The following PIEZO2 variants were observed in gnomAD, a reference collection of about 807,000 sequenced individuals.
PIEZO2 encodes piezo-type mechanosensitive ion channel component 2.
A neutral mutation model predicts 337.3 loss-of-function variants in PIEZO2; 172 were observed. That is an observed-to-expected ratio of 0.51 (90% CI 0.45 to 0.58). PIEZO2 has a LOEUF of 0.58. PIEZO2 is among the 20% of genes least tolerant of loss of function. PIEZO2 has a pLI of 0.00. For missense variants in PIEZO2, 3,028 were observed against 3,391.3 expected (o/e 0.89, Z 2.66); for synonymous variants, 1,251 against 1,228.5 (o/e 1.02, Z -0.38).
chr18:10,977,760 A>G (rs1000035321), intron 3 of PIEZO2, among the ~76,000 whole-genome samples: 1 of 152,246 alleles, frequency 6.6e-6, no homozygotes, highest in Non-Finnish European at 1.5e-5. Flanking sequence ...GTATTGATAC[A>G]TGCTACAACA....
rs1450123414 is a variant in PIEZO2, at chr18:11,033,611, C to T, written c.160+32516G>A. 6.6e-6 allele frequency among the ~76,000 whole-genome samples: 1 copy of T among 152,172 alleles called. No homozygotes were observed. The highest frequency in any genetic ancestry group is 1.5e-5 in the Non-Finnish European group (1 of 68,034). ...CTGAATGTCAAAATACTGCATTTCA[C>T]TGAAAAAAGCTAGTCTGAAAACATA... On this transcript the variant is annotated intron_variant, in intron 2 of 55. Coordinates refer to ENST00000674853, the MANE Select transcript of PIEZO2 (RefSeq NM_001378183.1). The surrounding 1 kb of genome is among the most constrained non-coding windows in gnomAD (Gnocchi z 4.2).
At position 11,070,540 on chromosome 18, in the gene PIEZO2, C is replaced by T. The variant is rs1193453988; in HGVS notation, c.65-4318G>A. On this transcript the variant is annotated intron_variant, in intron 1 of 55. Transcript: ENST00000674853. The surrounding 1 kb of genome is among the most constrained non-coding windows in gnomAD (Gnocchi z 4.3). The stretch of plus-strand genomic sequence containing the variant: ...GAAAGAAAAAAGCAGCAGAAAAATT[C>T]GAGACGGATATGAGAAAAACCAGGA... Among the ~76,000 whole-genome samples, 3 of 152,108 alleles carry T rather than the reference C, an allele frequency of 2.0e-5. No homozygotes were observed. The highest frequency in any genetic ancestry group is 2.9e-5 in the Non-Finnish European group (2 of 68,026).
Position 11,138,350 on chromosome 18 carries a change from C to T in PIEZO2, c.64+10175G>A, listed in dbSNP as rs541995789. Among the ~76,000 whole-genome samples the T allele has an allele frequency of 2.0e-5, 3 of 152,324 alleles. No individual in the cohort carries two copies. In the East Asian group the frequency reaches 5.8e-4, roughly 29 times the overall value. On this transcript the variant is annotated intron_variant, in intron 1 of 55. Transcript: ENST00000674853. ...TCATTCTGTAGCCCAAGCTGGAGTA[C>T]GGTGGCACAATCTCAGCTCACTGCA...
intron 1 of PIEZO2, among the ~76,000 whole-genome samples, chr18:11,090,687 G>A (rs2039048666): frequency 6.6e-6 from 1 of 152,092 alleles, no homozygotes; most frequent in African/African-American, 2.4e-5. Flanking sequence ...AGAGAAGGGC[G>A]ATTCACGAGG....
rs1332485667 is a variant in PIEZO2 at position 10,762,499 on chromosome 18, C to G, written c.3249+1G>C. On this transcript the variant is annotated splice_donor_variant, in intron 23 of 55. Coordinates refer to ENST00000674853, the MANE Select transcript of PIEZO2 (RefSeq NM_001378183.1). LOFTEE classifies it high-confidence loss of function. The stretch of plus-strand genomic sequence containing the variant: ...CAAACTAAGCACGACAAAGCCATTA[C>G]CCTCAGGTAGACTAGCAGAGGCGAA... 2.0e-6 allele frequency: 3 copies of G among 1,536,918 alleles called. No individual in the cohort carries two copies. Among genetic ancestry groups the G allele is most frequent in the African/African-American group, 1.4e-5 (1 of 73,022 alleles).
In PIEZO2 at chr18:10,862,239, A is replaced by G. The variant is rs1364223218; in HGVS notation, c.493-5028T>C. On this transcript the variant is annotated intron_variant, in intron 5 of 55. Coordinates refer to ENST00000674853, the MANE Select transcript of PIEZO2 (RefSeq NM_001378183.1). This position sits in a 1 kb window ranked among gnomAD's most constrained non-coding sequence, Gnocchi z 4.4. ...AGTCAGTTAAAAATAAAATAAAAAT[A>G]ATAGAATACTGGAAAACATAGATAA... Among the ~76,000 whole-genome samples the G allele has an allele frequency of 6.6e-6, 1 of 152,144 alleles. No individual in the cohort carries two copies. Among genetic ancestry groups the G allele is most frequent in the Non-Finnish European group, 1.5e-5 (1 of 68,022 alleles).
chr18:10,869,659 G>A (rs972707446), intron 5 of PIEZO2, among the ~76,000 whole-genome samples: 5 of 152,084 alleles, frequency 3.3e-5, no homozygotes, highest in Admixed American at 6.6e-5. Flanking sequence ...TCTTACAATT[G>A]GAATGTCAAC....
At chr18:10,769,942 C>T in intron 21 of PIEZO2, 1 of 516,068 alleles carries the variant, frequency 1.9e-6, no homozygotes. Flanking sequence ...ATGACCAAGC[C>T]AACGAGAAAC....
chr18:10,714,518 A>G lies in PIEZO2; in HGVS notation c.5423+246T>C, dbSNP rs186510040. On this transcript the variant is annotated intron_variant, in intron 39 of 55. Coordinates refer to ENST00000674853, the MANE Select transcript of PIEZO2 (RefSeq NM_001378183.1). Reference sequence around the variant, plus strand: ...TTGCCTCCAGCCTGGAAATCTCTATACTGTGCCTTTGGGTCACACAGGTAT... The same window carrying G: ...TTGCCTCCAGCCTGGAAATCTCTATGCTGTGCCTTTGGGTCACACAGGTAT... Among the ~76,000 whole-genome samples, 364 of 152,146 alleles carry G rather than the reference A, an allele frequency of 2.4e-3. 2 individuals are homozygous for G. Among genetic ancestry groups the G allele is most frequent in the Non-Finnish European group, 3.8e-3 (261 of 67,964 alleles).
chr18:11,016,497 G>A lies in PIEZO2; in HGVS notation c.161-36837C>T, dbSNP rs1287327913. On this transcript the variant is annotated intron_variant, in intron 2 of 55. Transcript: ENST00000674853. This position sits in a 1 kb window ranked among gnomAD's most constrained non-coding sequence, Gnocchi z 5.6. ...CCCCTGCAAAGGGTGGGTATGAGGG[G>A]GGTCGGGTTAAGCGGCTTAACAAAG... Among the ~76,000 whole-genome samples, 1 of 152,164 alleles carries A rather than the reference G, an allele frequency of 6.6e-6. No individual in the cohort carries two copies. Among genetic ancestry groups the A allele is most frequent in the Non-Finnish European group, 1.5e-5 (1 of 68,028 alleles).
chr18:10,866,825 C>T (rs1379202757), intron 5 of PIEZO2, among the ~76,000 whole-genome samples: 3 of 152,316 alleles, frequency 2.0e-5, no homozygotes, highest in East Asian at 1.9e-4. Context: ...AATAAAAAAT[C>T]GTCTCTTCTA....
Position 11,146,157 on chromosome 18 carries a change from T to A in PIEZO2, c.64+2368A>T, listed in dbSNP as rs2146303963. The stretch of plus-strand genomic sequence containing the variant: ...AGAGAGGTGTGGGAGTCCTGAAGAA[T>A]GAGCTGGATAAAGAAGGCAGCCCCA... On this transcript the variant is annotated intron_variant, in intron 1 of 55. Transcript: ENST00000674853. The surrounding 1 kb of genome is among the most constrained non-coding windows in gnomAD (Gnocchi z 6.1). 6.6e-6 allele frequency among the ~76,000 whole-genome samples: 1 copy of A among 152,220 alleles called. No homozygotes were observed. Among genetic ancestry groups the A allele is most frequent in the African/African-American group, 2.4e-5 (1 of 41,550 alleles).
chr18:10,714,129 T>C (rs1355208947), intron 39 of PIEZO2, among the ~76,000 whole-genome samples: 1 of 152,150 alleles, frequency 6.6e-6, no homozygotes, highest in Non-Finnish European at 1.5e-5. Context: ...GTAACCGAAT[T>C]CTGTCTTTGC....
chr18:10,763,055 G>A lies in PIEZO2; in HGVS notation c.2990C>T (p.Ala997Val). ...ACGGCGCAGCTTGGCGTACGGCAGA[G>A]CAAAAGCCCAAGAAATCAAAAATAC... Reference protein sequence around the residue: ...NYVFLISWAFALPYAKLRRLA... With the variant: ...NYVFLISWAFVLPYAKLRRLA... Residue 997 changes from alanine (A) to valine (V), a missense_variant, in exon 22 of 56, where the codon GCT becomes GTT. Transcript: ENST00000674853. 2 of 1,537,310 alleles carry A rather than the reference G, an allele frequency of 1.3e-6. No individual in the cohort carries two copies. The highest frequency in any genetic ancestry group is 1.7e-6 in the Non-Finnish European group (2 of 1,146,942).
intron 2 of PIEZO2, among the ~76,000 whole-genome samples, chr18:11,029,367 T>C (rs1344523419): frequency 2.6e-5 from 4 of 152,178 alleles, no homozygotes; most frequent in African/African-American, 7.2e-5. Flanking sequence ...ATCAAATTCA[T>C]CCGTAAGTTT....
chr18:10,762,661 C>T, intron 22 of PIEZO2, 36 bp from the exon 23 acceptor site: 1 of 1,531,936 alleles, frequency 6.5e-7, no homozygotes, highest in Non-Finnish European at 8.7e-7. Context: ...AAAAAAATAG[C>T]TCCACAGATT....
intron 1 of PIEZO2, among the ~76,000 whole-genome samples, chr18:11,115,019 A>G (rs983492446): frequency 6.6e-6 from 1 of 152,154 alleles, no homozygotes; most frequent in Non-Finnish European, 1.5e-5. Context: ...AAGTACTAAG[A>G]TCCTCTTCTT....
intron 2 of PIEZO2, among the ~76,000 whole-genome samples, chr18:11,034,520 C>T (rs1443480610): frequency 1.3e-5 from 2 of 152,102 alleles, no homozygotes; most frequent in African/African-American, 2.4e-5. Context: ...GTCTCGATCT[C>T]CTGACCTCGT....
chr18:11,115,602 C>T (rs1235072254), intron 1 of PIEZO2, among the ~76,000 whole-genome samples: 2 of 152,246 alleles, frequency 1.3e-5, no homozygotes, highest in Admixed American at 6.5e-5. Flanking sequence ...CAGAATTTCA[C>T]ACATGTATAA....
Sources: gnomAD v4.1 joint callset for allele counts (sites outside exome capture counted in the v4.1 genomes callset) on GRCh38, gnomAD v4.1.1 for gene constraint, Gnocchi (gnomAD v3.1) non-coding constraint, MANE v1.5 for transcripts, NCBI Gene and HGNC (gene_info 2026-07-23, HGNC 2026-07-21) for gene names.